The following CPD variants were observed in gnomAD, a reference collection of about 807,000 sequenced individuals.
CPD encodes the protein carboxypeptidase D.
A neutral mutation model predicts 138.3 loss-of-function variants in CPD; 69 were observed. That is an observed-to-expected ratio of 0.50 (90% CI 0.41 to 0.61). The LOEUF (loss-of-function observed/expected upper bound fraction) is 0.61, where lower values mean the gene tolerates loss of function less well. Among genes scored for constraint, CPD ranks in the 20% least tolerant of loss-of-function variants. The pLI, the probability that CPD is intolerant of heterozygous loss-of-function variation, is 0.00. For missense variants in CPD, 1,432 were observed against 1,733.3 expected, an observed-to-expected ratio of 0.83 and a Z score of 3.09; for synonymous variants, 651 against 642.1, an observed-to-expected ratio of 1.01 and a Z score of -0.21.
Position 30,385,233 on chromosome 17 carries a change from G to A in CPD, c.991G>A (p.Glu331Lys), listed in dbSNP as rs749005556. 1 of 1,613,756 alleles carries A rather than the reference G, an allele frequency of 6.2e-7. No individual in the cohort carries two copies. The highest frequency in any genetic ancestry group is 1.3e-5 in the African/African-American group (1 of 74,882). The change falls in exon 2 of 21, where the codon GAA becomes AAA. Residue 331 changes from glutamate (E) to lysine (K), a missense_variant. Glu to Lys is a moderately conservative substitution (Grantham distance 56). Coordinates refer to ENST00000225719, the MANE Select transcript of CPD (RefSeq NM_001304.5). ...AAACGGCGCACATTGGTATGATGTG[G>A]AAGGTATGCAAAGCATTGAGTTTGC... ...ITNGAHWYDVEGGMQDYNYVW... is the reference protein window; with the variant it reads ...ITNGAHWYDVKGGMQDYNYVW...
At chr17:30,455,145 A>G in intron 14 of CPD, 194 bp from the exon 15 acceptor site, 2 of 540,210 alleles carry the variant, frequency 3.7e-6, no homozygotes, top group Non-Finnish European at 6.5e-6. Context: ...TGAAGTACAT[A>G]ATAAAACTCA....
chr17:30,402,816 A>G lies in CPD; in HGVS notation c.994+17580A>G, dbSNP rs533721544. 2.6e-5 allele frequency among the ~76,000 whole-genome samples: 4 copies of G among 152,256 alleles called. No individual in the cohort carries two copies. The East Asian group carries it at 7.7e-4, about 29-fold the overall frequency. ...CTTGTTTAAATCCTATTAAAACATAATACTTGTTGGCTGGGTGTGGTGGCT... is the reference window on the plus strand; with the variant it reads ...CTTGTTTAAATCCTATTAAAACATAGTACTTGTTGGCTGGGTGTGGTGGCT... On this transcript the variant is annotated intron_variant, in intron 2 of 20. Coordinates refer to ENST00000225719, the MANE Select transcript of CPD (RefSeq NM_001304.5).
chr17:30,464,422 G>A (rs1913576056), intron 20 of CPD, among the ~76,000 whole-genome samples, 166 bp from the exon 21 acceptor site: 1 of 152,014 alleles, frequency 6.6e-6, no homozygotes, highest in Non-Finnish European at 1.5e-5. Flanking sequence ...TTTAAACTTT[G>A]TATATTGTAC....
At chr17:30,397,128 T>G (rs1445566511) in intron 2 of CPD, among the ~76,000 whole-genome samples, 3 of 152,186 alleles carry the variant, frequency 2.0e-5, no homozygotes, top group African/African-American at 7.2e-5. Context: ...CAATTTTTCT[T>G]TGAAAGATGT....
chr17:30,426,843 G>A (rs775534085), intron 6 of CPD, among the ~76,000 whole-genome samples: 2 of 152,110 alleles, frequency 1.3e-5, no homozygotes, highest in African/African-American at 2.4e-5. Context: ...AGTTAGCTTG[G>A]CCGATGCCCA....
chr17:30,397,120 A>G (rs1028711858), intron 2 of CPD, among the ~76,000 whole-genome samples: 12 of 151,916 alleles, frequency 7.9e-5, no homozygotes, highest in Admixed American at 3.9e-4. Flanking sequence ...ATCACCCCCA[A>G]TTTTTCTTTG....
rs960628449 is a variant in CPD, at chr17:30,439,386, G to A, written c.2230+309G>A. On this transcript the variant is annotated intron_variant, in intron 9 of 20. Transcript: ENST00000225719. ...TTGAATTCTTTTTTTTCTTTACAACGTTACTTTCTTTTTTTTTTTTTCTTT... is the reference window on the plus strand; with the variant it reads ...TTGAATTCTTTTTTTTCTTTACAACATTACTTTCTTTTTTTTTTTTTCTTT... 4.0e-4 allele frequency among the ~76,000 whole-genome samples: 42 copies of A among 105,786 alleles called. 3 individuals are homozygous for A. Among genetic ancestry groups the A allele is most frequent in the African/African-American group, 1.5e-3 (39 of 25,438 alleles). 69.4% of individuals were successfully genotyped at this position (105,786 alleles called of 152,430 possible). A position where few individuals can be genotyped will look rare whatever the true frequency, so the allele number is the denominator to read the frequency against.
At chr17:30,414,621 A>G (rs1047522155) in intron 2 of CPD, among the ~76,000 whole-genome samples, 41 of 152,154 alleles carry the variant, frequency 2.7e-4, no homozygotes, top group African/African-American at 9.4e-4. Flanking sequence ...ATACATGCAG[A>G]GAAATGGCAG....
At chr17:30,403,988 A>C (rs912865184) in intron 2 of CPD, among the ~76,000 whole-genome samples, 2 of 152,218 alleles carry the variant, frequency 1.3e-5, no homozygotes, top group African/African-American at 4.8e-5. Context: ...CATTATGCTA[A>C]GTGAAAGAAG....
At chr17:30,437,161 T>C (rs897520637) in intron 8 of CPD, among the ~76,000 whole-genome samples, 3 of 152,066 alleles carry the variant, frequency 2.0e-5, no homozygotes, top group Non-Finnish European at 2.9e-5. Context: ...AGAATGCTAA[T>C]AGGTATAGAG....
intron 2 of CPD, among the ~76,000 whole-genome samples, chr17:30,406,840 G>C (rs761593249): frequency 6.6e-6 from 1 of 151,968 alleles, no homozygotes; most frequent in Non-Finnish European, 1.5e-5. Context: ...TATACTTTAA[G>C]TTCTAGGGTA....
intron 2 of CPD, among the ~76,000 whole-genome samples, chr17:30,397,560 T>C (rs1015191508): frequency 2.0e-5 from 3 of 151,412 alleles, no homozygotes; most frequent in African/African-American, 7.3e-5. Flanking sequence ...TAGTGAGATA[T>C]GTCTCTACAA....
At chr17:30,445,655 C>T in intron 11 of CPD, 36 bp from the exon 12 acceptor site, 3 of 1,449,938 alleles carry the variant, frequency 2.1e-6, no homozygotes, top group Non-Finnish European at 2.8e-6. Flanking sequence ...ACTCCAGCTG[C>T]AGGAGTGTGG....
chr17:30,391,132 CTTTT>C (rs5819898), intron 2 of CPD, among the ~76,000 whole-genome samples: 19 of 114,808 alleles, frequency 1.7e-4, no homozygotes, highest in African/African-American at 2.0e-4. Flanking sequence ...GCCTGGCCGC[CTTTT>C]TTTTTTTTTT....
In CPD at chr17:30,411,686, G is replaced by A. The variant is rs565815866; in HGVS notation, c.995-9155G>A. The stretch of plus-strand genomic sequence containing the variant: ...CTTGTGCATGCGTCATGAAGTTCTC[G>A]TACTGTGGTTTTCAGCTCCATCAGG... On this transcript the variant is annotated intron_variant, in intron 2 of 20. Coordinates refer to ENST00000225719, the MANE Select transcript of CPD (RefSeq NM_001304.5). Among the ~76,000 whole-genome samples, 13 of 152,218 alleles carry A rather than the reference G, an allele frequency of 8.5e-5. No homozygotes were observed. The East Asian group carries it at 2.3e-3, about 27-fold the overall frequency.
At chr17:30,438,913 C>T in intron 8 of CPD, 62 bp from the exon 9 acceptor site, 1 of 1,035,612 alleles carries the variant, frequency 9.7e-7, no homozygotes. Flanking sequence ...TGTATCTTTC[C>T]AGTATTTTTT....
At chr17:30,441,653 C>T (rs2062764703) in intron 9 of CPD, among the ~76,000 whole-genome samples, 1 of 117,030 alleles carries the variant, frequency 8.5e-6, no homozygotes, top group Non-Finnish European at 1.8e-5. Context: ...GCTTTTTCTG[C>T]ATCTATTGAG....
At chr17:30,387,729 T>C (rs1363339060) in intron 2 of CPD, among the ~76,000 whole-genome samples, 2 of 152,224 alleles carry the variant, frequency 1.3e-5, no homozygotes, top group African/African-American at 4.8e-5. Context: ...GAATTACTCT[T>C]TTACTTTTTA....
chr17:30,461,073 G>T, intron 17 of CPD, 107 bp from the exon 18 acceptor site: 1 of 784,624 alleles, frequency 1.3e-6, no homozygotes, highest in Non-Finnish European at 1.9e-6. Flanking sequence ...CTTTGTTTAC[G>T]TCAGCTACGT....
Sources: gnomAD v4.1 joint callset for allele counts (sites outside exome capture counted in the v4.1 genomes callset) on GRCh38, gnomAD v4.1.1 for gene constraint, MANE v1.5 for transcripts, NCBI Gene and HGNC (gene_info 2026-07-23, HGNC 2026-07-21) for gene names.